The following TMEM178B variants were observed in gnomAD, a reference collection of about 807,000 sequenced individuals.
The protein encoded by TMEM178B is transmembrane protein 178B.
In TMEM178B, 5 loss-of-function variants were observed where a neutral mutation model predicts 31.0. The observed-to-expected ratio is 0.16, with a 90% CI of 0.08 to 0.34. The LOEUF (loss-of-function observed/expected upper bound fraction) is 0.34. TMEM178B is among the 10% of genes least tolerant of loss of function. TMEM178B has a pLI of 1.00. For missense variants in TMEM178B, 275 were observed against 400.3 expected, an observed-to-expected ratio of 0.69 and a Z score of 2.67; for synonymous variants, 164 against 164.0, an observed-to-expected ratio of 1.00 and a Z score of 0.00.
At chr7:141,124,372 A>G (rs575131324) in intron 1 of TMEM178B, among the ~76,000 whole-genome samples, 5 of 152,296 alleles carry the variant, frequency 3.3e-5, no homozygotes, top group African/African-American at 1.2e-4. Context: ...GACTAAAAAA[A>G]AAATAGAAAA....
At chr7:141,336,250 C>T (rs777293583) in intron 2 of TMEM178B, among the ~76,000 whole-genome samples, 3 of 152,170 alleles carry the variant, frequency 2.0e-5, no homozygotes, top group Non-Finnish European at 4.4e-5. Flanking sequence ...CTCCTGCCCA[C>T]GTGTAAACTG....
intron 3 of TMEM178B, among the ~76,000 whole-genome samples, chr7:141,438,098 T>G (rs955716123): frequency 1.3e-5 from 2 of 152,116 alleles, no homozygotes; most frequent in Non-Finnish European, 2.9e-5. Context: ...CATTTCATTA[T>G]ATGCAGGCCC....
At chr7:141,403,751 T>A (rs1383062958) in intron 2 of TMEM178B, among the ~76,000 whole-genome samples, 1 of 152,234 alleles carries the variant, frequency 6.6e-6, no homozygotes, top group Non-Finnish European at 1.5e-5. Context: ...AGAAAATTCC[T>A]GTCCCTGGCA....
intron 2 of TMEM178B, among the ~76,000 whole-genome samples, chr7:141,231,342 AG>A (rs1797440688): frequency 6.6e-6 from 1 of 151,994 alleles, no homozygotes; most frequent in African/African-American, 2.4e-5. Context: ...AAGGCTGCCA[AG>A]GAAGTTTGAA....
rs371947033 is a variant in TMEM178B, at chr7:141,312,809, A to G, written c.496+100105A>G. 7.2e-5 allele frequency among the ~76,000 whole-genome samples: 11 copies of G among 152,354 alleles called. No individual in the cohort carries two copies. In the East Asian group the frequency reaches 1.5e-3, roughly 21 times the overall value. ...TTTCTAAAGCAGGTGGAAGCCTTTC[A>G]AAGAGTAAATTCTCAAACATCTCAT... On this transcript the variant is annotated intron_variant, in intron 2 of 3. Coordinates refer to ENST00000565468, the MANE Select transcript of TMEM178B (RefSeq NM_001195278.2).
At chr7:141,083,678 T>C (rs1794728658) in intron 1 of TMEM178B, among the ~76,000 whole-genome samples, 1 of 152,172 alleles carries the variant, frequency 6.6e-6, no homozygotes, top group African/African-American at 2.4e-5. Context: ...AGTTCAGGGT[T>C]TAAAATGAAA....
intron 1 of TMEM178B, among the ~76,000 whole-genome samples, chr7:141,123,493 AGGAGATGG>A: frequency 6.6e-6 from 1 of 152,358 alleles, no homozygotes; most frequent in Middle Eastern, 3.4e-3. Flanking sequence ...ATTCATGCAG[AGGAGATGG>A]CAGCTGTTAG....
At chr7:141,106,063 G>A (rs1221684132) in intron 1 of TMEM178B, among the ~76,000 whole-genome samples, 3 of 133,508 alleles carry the variant, frequency 2.2e-5, no homozygotes, top group Non-Finnish European at 4.7e-5. Context: ...GTCAGTCTGG[G>A]CAACAGAGTG....
intron 2 of TMEM178B, among the ~76,000 whole-genome samples, chr7:141,411,066 A>T (rs1800979143): frequency 6.6e-6 from 1 of 151,474 alleles, no homozygotes; most frequent in Admixed American, 6.6e-5. Flanking sequence ...CGAATAAAAT[A>T]AAAAAAGAAA....
At chr7:141,426,186 C>A (rs1779812721) in intron 2 of TMEM178B, among the ~76,000 whole-genome samples, 1 of 152,172 alleles carries the variant, frequency 6.6e-6, no homozygotes, top group Admixed American at 6.5e-5. Flanking sequence ...GCTCTCCTCA[C>A]CCTACACTAT....
intron 2 of TMEM178B, among the ~76,000 whole-genome samples, chr7:141,373,734 C>T (rs1800160917): frequency 6.6e-6 from 1 of 152,212 alleles, no homozygotes; most frequent in Non-Finnish European, 1.5e-5. Context: ...CTACAGCAGC[C>T]AACATTGCCC....
intron 2 of TMEM178B, among the ~76,000 whole-genome samples, chr7:141,218,922 C>T (rs901504077): frequency 1.3e-5 from 2 of 152,240 alleles, no homozygotes; most frequent in Non-Finnish European, 2.9e-5. Context: ...TCTGAACTTT[C>T]TTCCCACTCA....
intron 1 of TMEM178B, among the ~76,000 whole-genome samples, chr7:141,177,430 G>C (rs1440321781): frequency 1.3e-5 from 2 of 152,176 alleles, no homozygotes; most frequent in Non-Finnish European, 2.9e-5. Context: ...GTTGATTTGG[G>C]GTGGAGAGTT....
rs1374397601 is a variant in TMEM178B, at chr7:141,470,802, A to C, written c.*16A>C. The C allele has an allele frequency of 4.5e-6, 5 of 1,114,902 alleles. No individual in the cohort carries two copies. The South Asian group carries it at 1.0e-4, about 23-fold the overall frequency. 69.1% of individuals were successfully genotyped at this position (1,114,902 alleles called of 1,614,324 possible). On this transcript the variant is annotated 3_prime_UTR_variant, in exon 4 of 4. Transcript: ENST00000565468. ...AGTGTGCTAAAAAACAAACCCATAC[A>C]TACATATATATATATAAATATATAT...
chr7:141,492,245 C>T, the TMEM178B span, among the ~76,000 whole-genome samples: 1 of 152,164 alleles, frequency 6.6e-6, no homozygotes, highest in East Asian at 1.9e-4. Flanking sequence ...TTCCCTCGCT[C>T]CTAATCATCC....
chr7:141,208,275 GTCC>G (rs1303433154), intron 1 of TMEM178B, among the ~76,000 whole-genome samples: 1 of 152,160 alleles, frequency 6.6e-6, no homozygotes, highest in Non-Finnish European at 1.5e-5. Flanking sequence ...CAACCAGCCA[GTCC>G]TCCCCCACCT....
intron 1 of TMEM178B, among the ~76,000 whole-genome samples, chr7:141,163,558 G>C (rs1434708749): frequency 6.6e-6 from 1 of 151,264 alleles, no homozygotes; most frequent in Non-Finnish European, 1.5e-5. Flanking sequence ...TGTGGCCCAG[G>C]CTGGTGTGCA....
the TMEM178B span, among the ~76,000 whole-genome samples, chr7:141,486,040 G>A: frequency 6.6e-6 from 1 of 152,196 alleles, no homozygotes; most frequent in Non-Finnish European, 1.5e-5. Flanking sequence ...ATGTGGTGGT[G>A]CATATACCCA....
intron 2 of TMEM178B, among the ~76,000 whole-genome samples, chr7:141,305,342 T>A (rs1798798386): frequency 6.6e-6 from 1 of 152,244 alleles, no homozygotes. Flanking sequence ...TATTAACTCA[T>A]TTAATTGTCA....
Sources: gnomAD v4.1 joint callset for allele counts (sites outside exome capture counted in the v4.1 genomes callset) on GRCh38, gnomAD v4.1.1 for gene constraint, MANE v1.5 for transcripts, NCBI Gene and HGNC (gene_info 2026-07-23, HGNC 2026-07-21) for gene names.